Variants in LNX1 observed in about 807,000 individuals in gnomAD.
LNX1 encodes E3 ubiquitin-protein ligase LNX.
Under a neutral mutation model 68.4 loss-of-function variants are expected in LNX1, and 54 were observed. The observed-to-expected ratio is 0.79, with a 90% CI of 0.63 to 0.99. LNX1 has a LOEUF of 0.99. LNX1 is among the 50% of genes least tolerant of loss of function. The pLI is 0.00. For missense variants in LNX1, 906 were observed against 926.4 expected, an observed-to-expected ratio of 0.98 and a Z score of 0.29; for synonymous variants, 336 against 350.0, an observed-to-expected ratio of 0.96 and a Z score of 0.45.
At chr4:53,645,036 C>G (rs2590771) in intron 1 of LNX1, among the ~76,000 whole-genome samples, 129,562 of 152,224 alleles carry the variant, frequency 0.85, 55,610 homozygotes, top group African/African-American at 0.96. Context: ...AATCTCCAGA[C>G]AGCCAAAAGA....
intron 2 of LNX1, among the ~76,000 whole-genome samples, chr4:53,542,495 A>G (rs6840442): frequency 0.76 from 115,759 of 152,058 alleles, 44,333 homozygotes; most frequent in Admixed American, 0.82. Context: ...CCTAACAATC[A>G]CCATCACATT....
Position 53,460,790 on chromosome 4 carries a change from C to T in LNX1, c.*117G>A. ...CTTTCATTAGATGATCATACTTTTC[C>T]TGACATTTTTACAATGTATTCTTTC... On this transcript the variant is annotated 3_prime_UTR_variant, in exon 11 of 11. Coordinates refer to ENST00000263925, the MANE Select transcript of LNX1 (RefSeq NM_001126328.3). The T allele has an allele frequency of 4.7e-6, 5 of 1,061,062 alleles. No individual in the cohort carries two copies. In the East Asian group the frequency reaches 8.4e-5, roughly 18 times the overall value. 65.7% of individuals were successfully genotyped at this position (1,061,062 alleles called of 1,614,324 possible).
At chr4:53,596,019 A>T (rs199546074), upstream of LNX1, among the ~76,000 whole-genome samples, 5 of 152,308 alleles carry the variant, frequency 3.3e-5, no homozygotes, top group East Asian at 9.6e-4. Context: ...TATGATTTGG[A>T]CTTGCTTATT....
At chr4:53,610,190 C>G (rs2175552) in intron 2 of LNX1, among the ~76,000 whole-genome samples, 47,725 of 151,768 alleles carry the variant, frequency 0.31, 7,815 homozygotes, top group East Asian at 0.53. Flanking sequence ...AAAACTTGAG[C>G]AAATTCAGAG....
intron 2 of LNX1, among the ~76,000 whole-genome samples, chr4:53,548,687 G>T (rs1729279447): frequency 6.6e-6 from 1 of 152,116 alleles, no homozygotes; most frequent in African/African-American, 2.4e-5. Context: ...TAAACCCAGA[G>T]GAATATAATT....
chr4:53,624,825 A>C (rs1734014333), intron 1 of LNX1, among the ~76,000 whole-genome samples: 1 of 152,316 alleles, frequency 6.6e-6, no homozygotes, highest in South Asian at 2.1e-4. Context: ...ATTAACTAAA[A>C]TATCCAAACA....
chr4:53,523,709 T>G (rs1727410703), intron 2 of LNX1, among the ~76,000 whole-genome samples: 1 of 152,228 alleles, frequency 6.6e-6, no homozygotes. Flanking sequence ...ATACAGTTTT[T>G]GCATCTCCAA....
chr4:53,465,734 T>A (rs1359304243), intron 9 of LNX1, among the ~76,000 whole-genome samples: 1 of 151,978 alleles, frequency 6.6e-6, no homozygotes, highest in Non-Finnish European at 1.5e-5. Flanking sequence ...TGTATTCAAG[T>A]TAAAATGAAA....
intron 9 of LNX1, among the ~76,000 whole-genome samples, chr4:53,466,239 A>G (rs1441130034): frequency 3.9e-5 from 6 of 152,228 alleles, no homozygotes; most frequent in Admixed American, 2.0e-4. Context: ...TAAAAATCCA[A>G]TGAAGTTATA....
chr4:53,509,202 G>C (rs1447689355), intron 2 of LNX1, among the ~76,000 whole-genome samples: 1 of 152,214 alleles, frequency 6.6e-6, no homozygotes, highest in African/African-American at 2.4e-5. Flanking sequence ...AACCACTCCA[G>C]TTTCCACAGT....
chr4:53,596,054 G>A (rs111246396), upstream of LNX1, among the ~76,000 whole-genome samples: 16 of 152,210 alleles, frequency 1.1e-4, no homozygotes, highest in Middle Eastern at 3.4e-3. Flanking sequence ...CATATTGGCC[G>A]TAATTACTTT....
chr4:53,463,868 C>T (rs1021571167), intron 9 of LNX1, among the ~76,000 whole-genome samples: 4 of 151,918 alleles, frequency 2.6e-5, no homozygotes, highest in African/African-American at 9.7e-5. Context: ...TTAGTCAATA[C>T]ATATTTGAGA....
intron 4 of LNX1, among the ~76,000 whole-genome samples, chr4:53,501,309 G>GGGGGGT (rs1560630604): frequency 1.7e-5 from 2 of 115,890 alleles, no homozygotes; most frequent in South Asian, 3.3e-4. Flanking sequence ...TGGGGGTGGG[G>GGGGGGT]GGACAGGATC....
intron 2 of LNX1, among the ~76,000 whole-genome samples, chr4:53,557,542 C>A (rs1355394233): frequency 6.6e-6 from 1 of 151,698 alleles, no homozygotes; most frequent in East Asian, 1.9e-4. Context: ...CATACAAATT[C>A]TATTCTTAAC....
chr4:53,469,471 G>C (rs1466048903), intron 9 of LNX1, among the ~76,000 whole-genome samples: 2 of 152,094 alleles, frequency 1.3e-5, no homozygotes, highest in African/African-American at 4.8e-5. Flanking sequence ...GCTAGCAGAA[G>C]GCAAGAAATA....
At chr4:53,589,436 T>C (rs1560684210) in intron 1 of LNX1, among the ~76,000 whole-genome samples, 1 of 152,204 alleles carries the variant, frequency 6.6e-6, no homozygotes, top group Non-Finnish European at 1.5e-5. Context: ...TGCAACCACA[T>C]ATGATCTTTA....
chr4:53,570,943 C>G (rs1446448716), intron 2 of LNX1, among the ~76,000 whole-genome samples: 1 of 151,614 alleles, frequency 6.6e-6, no homozygotes, highest in Non-Finnish European at 1.5e-5. Context: ...AGGAGAAAGG[C>G]ATGAACCCGG....
rs78938969 is a variant in LNX1 at position 53,613,715 on chromosome 4, G to A, written c.-215+2802C>T. ...TCTTTATCCAGTCTATGATTGATGG[G>A]TATTTAGGTTGATTCCATGTCTTTG... is the stretch of plus-strand genomic sequence containing the variant. On this transcript the variant is annotated intron_variant, in intron 2 of 3. Transcript: ENST00000504299. 5.1e-3 allele frequency among the ~76,000 whole-genome samples: 777 copies of A among 152,256 alleles called. 6 individuals are homozygous for A. The highest frequency in any genetic ancestry group is 0.018 in the African/African-American group (737 of 41,534).
chr4:53,580,386 T>C (rs2109796052), intron 1 of LNX1, among the ~76,000 whole-genome samples: 1 of 152,346 alleles, frequency 6.6e-6, no homozygotes, highest in Middle Eastern at 3.4e-3. Flanking sequence ...AATTTATCAG[T>C]GTCTCTCCTA....
Sources: allele counts gnomAD v4.1 joint callset (sites outside exome capture counted in the v4.1 genomes callset), GRCh38; gene constraint gnomAD v4.1.1; transcripts MANE v1.5; gene names NCBI Gene and HGNC (gene_info 2026-07-23, HGNC 2026-07-21).